FOXN2: variants seen among roughly 807,000 people sequenced by gnomAD.
FOXN2 encodes the protein forkhead box protein N2.
A neutral mutation model predicts 41.2 loss-of-function variants in FOXN2; 19 were observed. That is an observed-to-expected ratio of 0.46 (90% CI 0.32 to 0.68). The LOEUF (loss-of-function observed/expected upper bound fraction) is 0.68. Ranked by LOEUF, FOXN2 falls within the 30% of genes least tolerant of loss-of-function variation. The pLI is 0.03. For missense variants in FOXN2, 587 were observed against 509.4 expected (o/e 1.15, Z -1.47); for synonymous variants, 195 against 176.8 (o/e 1.10, Z -0.82).
intron 1 of FOXN2, among the ~76,000 whole-genome samples, chr2:48,315,653 G>A (rs555054714): frequency 6.6e-6 from 1 of 152,340 alleles, no homozygotes; most frequent in Non-Finnish European, 1.5e-5. Context: ...GAACCCGGCA[G>A]GACGGTGGTA....
In FOXN2 at chr2:48,376,494, G is replaced by C. The variant is rs1673257693; in HGVS notation, c.*1051G>C. The C allele has an allele frequency of 6.6e-6, 1 of 152,444 alleles. No individual in the cohort carries two copies. Among genetic ancestry groups the C allele is most frequent in the Non-Finnish European group, 1.5e-5 (1 of 67,944 alleles). The allele number at this position is 152,444 out of a possible 1,614,324, so 9.4% of individuals were successfully genotyped here. A position where few individuals can be genotyped will look rare whatever the true frequency, so the allele number is the denominator to read the frequency against. ...AAGTATACCAAATTAAATCTTAATA[G>C]ATTTAATGCAATTTTACAGACACAA... On this transcript the variant is annotated 3_prime_UTR_variant, in exon 7 of 7. Coordinates refer to ENST00000340553, the MANE Select transcript of FOXN2 (RefSeq NM_002158.4).
chr2:48,377,530 A>G lies in FOXN2; in HGVS notation c.*2087A>G, dbSNP rs1673325835. ...AAGGAAAGGAAAGAGAAGCAGAGTT[A>G]GTTCCAGCTCTAATAGGGATCTTCA... On this transcript the variant is annotated 3_prime_UTR_variant, in exon 7 of 7. Transcript: ENST00000340553. 1 of 152,058 alleles carries G rather than the reference A, an allele frequency of 6.6e-6. No homozygotes were observed. Among genetic ancestry groups the G allele is most frequent in the African/African-American group, 2.4e-5 (1 of 41,454 alleles). 9.4% of individuals were successfully genotyped at this position (152,058 alleles called of 1,614,324 possible).
intron 1 of FOXN2, among the ~76,000 whole-genome samples, chr2:48,316,731 A>G (rs1041665033): frequency 1.3e-5 from 2 of 152,214 alleles, no homozygotes; most frequent in African/African-American, 4.8e-5. Context: ...TTTAAGGACA[A>G]TCCTTGTTTA....
chr2:48,347,614 G>T (rs1671196570), intron 3 of FOXN2, among the ~76,000 whole-genome samples: 1 of 151,588 alleles, frequency 6.6e-6, no homozygotes, highest in Non-Finnish European at 1.5e-5. Flanking sequence ...TATTTTAGTG[G>T]TTGCTATATG....
intron 2 of FOXN2, among the ~76,000 whole-genome samples, chr2:48,329,504 C>T (rs1669897866): frequency 6.6e-6 from 1 of 152,056 alleles, no homozygotes; most frequent in Non-Finnish European, 1.5e-5. Context: ...TTGTATTCTG[C>T]ACTCCCATCC....
chr2:48,356,361 A>T (rs1294653371), intron 3 of FOXN2, among the ~76,000 whole-genome samples: 1 of 151,486 alleles, frequency 6.6e-6, no homozygotes, highest in Non-Finnish European at 1.5e-5. Context: ...GAATCGTCCG[A>T]ACCTGGGAGG....
chr2:48,368,400 C>T (rs138976503), intron 5 of FOXN2, among the ~76,000 whole-genome samples: 15 of 152,070 alleles, frequency 9.9e-5, no homozygotes, highest in East Asian at 1.9e-4. Context: ...ATTGGCTGAA[C>T]GCGGTGGTTC....
chr2:48,372,886 A>T (rs948549380), intron 5 of FOXN2, among the ~76,000 whole-genome samples: 1 of 151,862 alleles, frequency 6.6e-6, no homozygotes, highest in African/African-American at 2.4e-5. Context: ...ATAACTGCAG[A>T]TATGCATAGG....
chr2:48,355,306 G>A (rs1028246948), intron 3 of FOXN2, among the ~76,000 whole-genome samples: 1 of 152,136 alleles, frequency 6.6e-6, no homozygotes, highest in African/African-American at 2.4e-5. Context: ...AATGGGAAAG[G>A]ATGCAGTCCA....
chr2:48,358,329 C>G (rs1671943291), intron 3 of FOXN2, among the ~76,000 whole-genome samples: 1 of 152,104 alleles, frequency 6.6e-6, no homozygotes, highest in South Asian at 2.1e-4. Context: ...GCATATAAAT[C>G]CTCTTATTTG....
In FOXN2 at chr2:48,346,321, C is replaced by T; in HGVS notation, c.107C>T (p.Ala36Val). The change falls in exon 3 of 7, where the codon GCT (alanine) becomes GTT (valine). Residue 36 changes from alanine to valine, a missense_variant. Ala to Val is a moderately conservative substitution (Grantham distance 64). Coordinates refer to ENST00000340553, the MANE Select transcript of FOXN2 (RefSeq NM_002158.4). ...QIYKMGSLPE[A>V]VDAARPKATL... Reference sequence around the variant, plus strand: ...TACAAAATGGGAAGCTTGCCTGAAGCTGTTGATGCTGCCAGGCCGAAGGCC... The same window carrying T: ...TACAAAATGGGAAGCTTGCCTGAAGTTGTTGATGCTGCCAGGCCGAAGGCC... The T allele has an allele frequency of 6.2e-7, 1 of 1,614,172 alleles. No homozygotes were observed. The highest frequency in any genetic ancestry group is 8.5e-7 in the Non-Finnish European group (1 of 1,180,020).
intron 6 of FOXN2, 144 bp downstream of exon 6, chr2:48,373,504 A>G: frequency 1.9e-6 from 1 of 530,776 alleles, no homozygotes; most frequent in East Asian, 3.5e-5. Flanking sequence ...CTGTTTTATT[A>G]TACTTTCATT....
intron 2 of FOXN2, among the ~76,000 whole-genome samples, chr2:48,332,584 T>C: frequency 6.6e-6 from 1 of 152,224 alleles, no homozygotes; most frequent in African/African-American, 2.4e-5. Flanking sequence ...TAGACAAATA[T>C]GTTTTTAATT....
upstream of FOXN2, among the ~76,000 whole-genome samples, chr2:48,314,131 C>T (rs1012547338): frequency 1.3e-5 from 2 of 152,246 alleles, no homozygotes; most frequent in East Asian, 3.8e-4. Context: ...AAAGCGCTTT[C>T]AAAGCCCAGG....
intron 6 of FOXN2, among the ~76,000 whole-genome samples, chr2:48,374,320 G>A (rs561676258): frequency 1.3e-5 from 2 of 152,072 alleles, no homozygotes; most frequent in South Asian, 2.1e-4. Context: ...CTAGAAATTC[G>A]GGAAACACAA....
At chr2:48,330,029 G>A (rs1385852594) in intron 2 of FOXN2, among the ~76,000 whole-genome samples, 1 of 151,582 alleles carries the variant, frequency 6.6e-6, no homozygotes, top group Non-Finnish European at 1.5e-5. Flanking sequence ...CCTTTTTTGA[G>A]TGAGAACCAA....
chr2:48,367,838 T>C (rs909574547), intron 5 of FOXN2, among the ~76,000 whole-genome samples: 3 of 152,134 alleles, frequency 2.0e-5, no homozygotes, highest in Non-Finnish European at 4.4e-5. Flanking sequence ...TTTTTTAAAT[T>C]GTTGTTTATT....
intron 6 of FOXN2, among the ~76,000 whole-genome samples, chr2:48,373,754 T>C (rs1272858797): frequency 1.3e-5 from 2 of 151,972 alleles, no homozygotes; most frequent in East Asian, 3.8e-4. Context: ...TAATAAAACA[T>C]CAAAATTTTA....
chr2:48,342,965 A>G (rs367794040), intron 2 of FOXN2, among the ~76,000 whole-genome samples: 101 of 152,338 alleles, frequency 6.6e-4, no homozygotes, highest in African/African-American at 2.4e-3. Flanking sequence ...CTTGTAATTC[A>G]GAGGAATAAC....
Sources: allele counts gnomAD v4.1 joint callset (sites outside exome capture counted in the v4.1 genomes callset), GRCh38; gene constraint gnomAD v4.1.1; transcripts MANE v1.5; gene names NCBI Gene and HGNC (gene_info 2026-07-23, HGNC 2026-07-21).